The following CC2D1A variants were observed in gnomAD, a reference collection of about 807,000 sequenced individuals.
CC2D1A encodes the protein coiled-coil and C2 domain-containing protein 1A.
CC2D1A carries 68 observed loss-of-function variants against 123.8 expected under a neutral mutation model. That is an observed-to-expected ratio of 0.55 (90% CI 0.45 to 0.67). The LOEUF is 0.67. Among genes scored for constraint, CC2D1A ranks in the 30% least tolerant of loss-of-function variants. The pLI, the probability that CC2D1A is intolerant of heterozygous loss-of-function variation, is 0.00. For synonymous variants in CC2D1A, 477 were observed against 528.0 expected (o/e 0.90, Z 1.32); for missense variants, 1,185 against 1,290.3 (o/e 0.92, Z 1.25).
rs1215086833 is a variant in CC2D1A, at chr19:13,910,402, C to A, written c.196+444C>A. Among the ~76,000 whole-genome samples, 5 of 125,656 alleles carry A rather than the reference C, an allele frequency of 4.0e-5. No individual in the cohort carries two copies. The Admixed American group carries it at 4.2e-4, about 10-fold the overall frequency. 82.4% of individuals were successfully genotyped at this position (125,656 alleles called of 152,430 possible). ...CAGCCTGGGCGACAGAGCAAGACTC[C>A]GTCTCAAAAAAAAAAAAAAAAAAAA... On this transcript the variant is annotated intron_variant, in intron 2 of 28. Coordinates refer to ENST00000318003, the MANE Select transcript of CC2D1A (RefSeq NM_017721.5).
At chr19:13,925,813 A>T (rs1971571333) in intron 17 of CC2D1A, among the ~76,000 whole-genome samples, 1 of 149,528 alleles carries the variant, frequency 6.7e-6, no homozygotes, top group Non-Finnish European at 1.5e-5. Context: ...CCAGCTACTC[A>T]GGAGGCTGAG....
Position 13,913,184 on chromosome 19 carries a change from C to A in CC2D1A, c.395C>A (p.Pro132His). The change falls in exon 5 of 29, where the codon CCT becomes CAT. Residue 132 changes from proline to histidine, a missense_variant. By Grantham distance (77) the Pro-to-His change is moderately conservative. Transcript: ENST00000318003. The stretch of plus-strand genomic sequence containing the variant: ...CTCCCACAGCCGAAGCCTGAGGCCC[C>A]TCATCCGGGGCTGGAGACCACCTTG... Reference protein sequence around the residue: ...PPVAQPKPEAPHPGLETTLQE... With the variant: ...PPVAQPKPEAHHPGLETTLQE... The A allele has an allele frequency of 1.2e-6, 2 of 1,611,296 alleles. No homozygotes were observed. Among genetic ancestry groups the A allele is most frequent in the South Asian group, 1.1e-5 (1 of 90,728 alleles).
Position 13,909,827 on chromosome 19 carries a change from G to A in CC2D1A, c.65G>A (p.Gly22Asp), listed in dbSNP as rs1327528567. Residue 22 changes from glycine to aspartate, a missense_variant, in exon 2 of 29, where the codon GGC becomes GAC. Transcript: ENST00000318003. ...GAACCCTTGCTGTTCCCCTAGCTGG[G>A]CCTGCTGGTTGACCTCTCCCCAGAT... ...GRGAAAARQL[G>D]LLVDLSPDGL... 1 of 1,588,250 alleles carries A rather than the reference G, an allele frequency of 6.3e-7. No homozygotes were observed. The highest frequency in any genetic ancestry group is 8.6e-7 in the Non-Finnish European group (1 of 1,162,900).
chr19:13,928,253 A>G, intron 24 of CC2D1A, 65 bp downstream of exon 24: 1 of 1,417,984 alleles, frequency 7.1e-7, no homozygotes, highest in Non-Finnish European at 9.8e-7. Context: ...CCACCTGGAC[A>G]GTTTCCCACC....
intron 26 of CC2D1A, 134 bp from the exon 27 acceptor site, chr19:13,929,944 T>C: frequency 4.6e-6 from 1 of 215,326 alleles, no homozygotes; most frequent in South Asian, 4.4e-5. Context: ...GGCTCGGGGA[T>C]GGGCACCTGG....
chr19:13,929,405 G>C lies in CC2D1A; in HGVS notation c.2546G>C (p.Ser849Thr), dbSNP rs1014930960. 2 of 1,613,546 alleles carry C rather than the reference G, an allele frequency of 1.2e-6. No homozygotes were observed. The highest frequency in any genetic ancestry group is 1.6e-4 in the Middle Eastern group (1 of 6,062). The change falls in exon 25 of 29, where the codon AGT becomes ACT. Residue 849 changes from serine (S) to threonine (T), a missense_variant. Physicochemically the swap from Ser to Thr is moderately conservative, Grantham distance 58. Coordinates refer to ENST00000318003, the MANE Select transcript of CC2D1A (RefSeq NM_017721.5). ...NRSARPLHSL[S>T]VLAFDQERLE... ...TCAGCCCGGCCCCTGCATAGCCTCA[G>C]TGTGCTGGCGTTTGACCAAGAGCGT... is the stretch of plus-strand genomic sequence containing the variant.
At chr19:13,911,909 G>T (rs1971014510) in intron 2 of CC2D1A, among the ~76,000 whole-genome samples, 1 of 152,038 alleles carries the variant, frequency 6.6e-6, no homozygotes, top group African/African-American at 2.4e-5. Context: ...TAGAGACGGG[G>T]TTTCACCGTG....
chr19:13,925,874 C>T (rs1971572863), intron 17 of CC2D1A, among the ~76,000 whole-genome samples: 1 of 132,128 alleles, frequency 7.6e-6, no homozygotes, highest in Non-Finnish European at 1.6e-5. Flanking sequence ...GGGCTGAGGT[C>T]GTACCATTGT....
chr19:13,920,478 C>G (rs1971370593), intron 12 of CC2D1A, 79 bp from the exon 13 acceptor site: 8 of 873,368 alleles, frequency 9.2e-6, no homozygotes, highest in Non-Finnish European at 1.5e-5. Context: ...ACTGTTGTCA[C>G]CATCAGACCC....
intron 4 of CC2D1A, 62 bp from the exon 5 acceptor site, chr19:13,913,106 G>T: frequency 6.7e-7 from 1 of 1,483,264 alleles, no homozygotes; most frequent in South Asian, 1.3e-5. Context: ...TACTGCAGAA[G>T]GGGCTAACAG....
At position 13,918,903 on chromosome 19, in the gene CC2D1A, CCGGCCCAGAGGTGCCCCCACCCCCGA is replaced by C. The variant is rs1437409501; in HGVS notation, c.1019-8_1036del. 1 of 1,607,986 alleles carries C rather than the reference CCGGCCCAGAGGTGCCCCCACCCCCGA, an allele frequency of 6.2e-7. No individual in the cohort carries two copies. Among genetic ancestry groups the C allele is most frequent in the African/African-American group, 1.3e-5 (1 of 74,846 alleles). ...TTGACTCTTAACCTTGTCCCCCTGT[CCGGCCCAGAGGTGCCCCCACCCCCGA>C]GGACCCTGCTGGAGGCGCTGGAGCA... On this transcript the variant is annotated splice_acceptor_variant and splice_polypyrimidine_tract_variant and coding_sequence_variant and intron_variant, in exon 10 of 29. Transcript: ENST00000318003. LOFTEE classifies it high-confidence loss of function.
intron 17 of CC2D1A, among the ~76,000 whole-genome samples, 165 bp from the exon 18 acceptor site, chr19:13,926,352 C>G (rs1413779624): frequency 2.6e-5 from 4 of 152,130 alleles, no homozygotes; most frequent in Admixed American, 2.6e-4. Context: ...ACAGAGAACT[C>G]TAGTCTGTCT....
At chr19:13,918,377 G>A in intron 7 of CC2D1A, 127 bp from the exon 8 acceptor site, 1 of 1,146,796 alleles carries the variant, frequency 8.7e-7, no homozygotes, top group Middle Eastern at 2.0e-4. Flanking sequence ...AGAGGATTAA[G>A]CAAGATGGCA....
rs2145339925 is a variant in CC2D1A at position 13,920,935 on chromosome 19, G to A, written c.1641+13G>A. On this transcript the variant is annotated intron_variant, in intron 14 of 28. Coordinates refer to ENST00000318003, the MANE Select transcript of CC2D1A (RefSeq NM_017721.5). ...GGACATCACCAAGGTGAACCTTCTGGGCTTGTGGGAACTGCCCAGGCACCC... is the reference window on the plus strand; with the variant it reads ...GGACATCACCAAGGTGAACCTTCTGAGCTTGTGGGAACTGCCCAGGCACCC... 1 of 1,602,774 alleles carries A rather than the reference G, an allele frequency of 6.2e-7. No individual in the cohort carries two copies. The highest frequency in any genetic ancestry group is 8.5e-7 in the Non-Finnish European group (1 of 1,173,514).
chr19:13,923,517 T>TC lies in CC2D1A; in HGVS notation c.1765-28dup. The TC allele has an allele frequency of 6.2e-7, 1 of 1,613,998 alleles. No individual in the cohort carries two copies. The highest frequency in any genetic ancestry group is 8.5e-7 in the Non-Finnish European group (1 of 1,179,988). On this transcript the variant is annotated intron_variant, in intron 15 of 28. Transcript: ENST00000318003. The surrounding 1 kb of genome is among the most constrained non-coding windows in gnomAD (Gnocchi z 5.3). ...TGACCCTCCTTCCCCTCTCTTCCCTTCCCTCGACTCACTGCCTTCTGTTTC... is the reference window on the plus strand; with the variant it reads ...TGACCCTCCTTCCCCTCTCTTCCCTTCCCCTCGACTCACTGCCTTCTGTTTC...
At position 13,920,801 on chromosome 19, in the gene CC2D1A, C is replaced by G; in HGVS notation, c.1520C>G (p.Ala507Gly). The G allele has an allele frequency of 6.2e-7, 1 of 1,614,126 alleles. No individual in the cohort carries two copies. Among genetic ancestry groups the G allele is most frequent in the Non-Finnish European group, 8.5e-7 (1 of 1,180,000 alleles). Residue 507 changes from alanine (A) to glycine (G), a missense_variant, in exon 14 of 29, where the codon GCC becomes GGC. Ala to Gly is a moderately conservative substitution (Grantham distance 60, BLOSUM62 0). Coordinates refer to ENST00000318003, the MANE Select transcript of CC2D1A (RefSeq NM_017721.5). ...LEGRKKQLLQ[A>G]ALRAKQKNDV... ...GGCCGCAAGAAGCAGCTCCTGCAGGCCGCACTGCGAGCCAAGCAGAAAAAC... is the reference window on the plus strand; with the variant it reads ...GGCCGCAAGAAGCAGCTCCTGCAGGGCGCACTGCGAGCCAAGCAGAAAAAC...
At chr19:13,921,132 C>T (rs1369809254) in intron 14 of CC2D1A, among the ~76,000 whole-genome samples, 3 of 152,200 alleles carry the variant, frequency 2.0e-5, no homozygotes, top group East Asian at 1.9e-4. Context: ...AATGGGAGGT[C>T]CTCCAGGGCC....
intron 17 of CC2D1A, among the ~76,000 whole-genome samples, chr19:13,924,105 G>A (rs1400230894): frequency 6.6e-6 from 1 of 152,194 alleles, no homozygotes; most frequent in Non-Finnish European, 1.5e-5. Flanking sequence ...CGGCTTTGGT[G>A]GGTGTTAGTC....
In CC2D1A at chr19:13,909,851, A is replaced by G; in HGVS notation, c.89A>G (p.Asp30Gly). Reference sequence around the variant, plus strand: ...GGCCTGCTGGTTGACCTCTCCCCAGATGGCCTGATGATCCCTGAGGACGGG... The same window carrying G: ...GGCCTGCTGGTTGACCTCTCCCCAGGTGGCCTGATGATCCCTGAGGACGGG... ...QLGLLVDLSP[D>G]GLMIPEDGAN... Residue 30 changes from aspartate to glycine, a missense_variant, in exon 2 of 29, where the codon GAT becomes GGT. By Grantham distance (94) the Asp-to-Gly change is moderately conservative (BLOSUM62 -1). Coordinates refer to ENST00000318003, the MANE Select transcript of CC2D1A (RefSeq NM_017721.5). The G allele has an allele frequency of 1.3e-6, 2 of 1,582,402 alleles. No individual in the cohort carries two copies. Among genetic ancestry groups the G allele is most frequent in the South Asian group, 2.3e-5 (2 of 87,438 alleles).
Sources: allele counts gnomAD v4.1 joint callset (sites outside exome capture counted in the v4.1 genomes callset), GRCh38; gene constraint gnomAD v4.1.1; non-coding constraint Gnocchi (gnomAD v3.1); transcripts MANE v1.5; gene names NCBI Gene and HGNC (gene_info 2026-07-23, HGNC 2026-07-21).